EIF4E2: variants seen among roughly 807,000 people sequenced by gnomAD.
EIF4E2 encodes eukaryotic translation initiation factor 4E type 2.
A neutral mutation model predicts 34.2 loss-of-function variants in EIF4E2; 13 were observed. The ratio of observed to expected loss-of-function variants is 0.38; its 90% CI spans 0.25 to 0.60. EIF4E2 has a LOEUF of 0.60. Ranked by LOEUF, EIF4E2 falls within the 20% of genes least tolerant of loss-of-function variation. The pLI, the probability that EIF4E2 is intolerant of heterozygous loss-of-function variation, is 0.62. For synonymous variants in EIF4E2, 100 were observed against 106.6 expected, an observed-to-expected ratio of 0.94 and a Z score of 0.38; for missense variants, 222 against 315.1, an observed-to-expected ratio of 0.70 and a Z score of 2.24.
intron 3 of EIF4E2, among the ~76,000 whole-genome samples, chr2:232,563,211 C>G (rs139317402): frequency 6.6e-6 from 1 of 152,058 alleles, no homozygotes; most frequent in African/African-American, 2.4e-5. Flanking sequence ...TGCCTCTTCA[C>G]TGGCCAGTAC....
intron 4 of EIF4E2, 52 bp downstream of exon 4, chr2:232,564,403 G>A (rs1692839687): frequency 9.0e-7 from 1 of 1,114,518 alleles, no homozygotes; most frequent in African/African-American, 1.6e-5. Flanking sequence ...GGGTTTTTTT[G>A]TTTTGTCTCT....
chr2:232,554,790 C>A (rs1692465957), intron 1 of EIF4E2, among the ~76,000 whole-genome samples: 2 of 152,204 alleles, frequency 1.3e-5, no homozygotes, highest in Admixed American at 6.5e-5. Flanking sequence ...TGTCTTAATT[C>A]TCTCAGGGCT....
chr2:232,564,769 G>A (rs1274920855), intron 4 of EIF4E2, among the ~76,000 whole-genome samples: 2 of 152,160 alleles, frequency 1.3e-5, no homozygotes, highest in African/African-American at 4.8e-5. Context: ...GTGTTTTAAA[G>A]TCTCTCAAAA....
At chr2:232,555,726 C>A (rs937270306) in intron 1 of EIF4E2, among the ~76,000 whole-genome samples, 1 of 152,104 alleles carries the variant, frequency 6.6e-6, no homozygotes, top group African/African-American at 2.4e-5. Flanking sequence ...GGCACCGATA[C>A]GGCAACATAG....
At chr2:232,568,258 A>T (rs903129875) in intron 6 of EIF4E2, 4 of 985,308 alleles carry the variant, frequency 4.1e-6, no homozygotes, top group Non-Finnish European at 4.8e-6. Context: ...TCTCTTTCCC[A>T]TGCATTCATA....
In EIF4E2 at chr2:232,581,087, C is replaced by T. The variant is rs780884132; in HGVS notation, c.*144C>T. ...TCCTTTTGCACTCATTCCTGGAGGA[C>T]GGATTCCGCTAGACACCCTCCAGCA... On this transcript the variant is annotated 3_prime_UTR_variant, in exon 7 of 7. Transcript: ENST00000409098. This position sits in a 1 kb window ranked among gnomAD's most constrained non-coding sequence, Gnocchi z 5.2. 3.0e-5 allele frequency: 25 copies of T among 829,846 alleles called. No homozygotes were observed. Among genetic ancestry groups the T allele is most frequent in the African/African-American group, 1.7e-4 (10 of 59,224 alleles). 51.4% of individuals were successfully genotyped at this position (829,846 alleles called of 1,614,324 possible).
Position 232,566,288 on chromosome 2 carries a change from G to A in EIF4E2, c.376-541G>A, listed in dbSNP as rs983984258. On this transcript the variant is annotated intron_variant, in intron 4 of 6. Coordinates refer to ENST00000258416, the MANE Select transcript of EIF4E2 (RefSeq NM_004846.4). The surrounding 1 kb of genome is among the most constrained non-coding windows in gnomAD (Gnocchi z 4.9). ...TGCAAGCTCTGCCTCCCGAGTTCACGCCATTCTCCCGCCTCAGCCTCCCGA... is the reference window on the plus strand; with the variant it reads ...TGCAAGCTCTGCCTCCCGAGTTCACACCATTCTCCCGCCTCAGCCTCCCGA... 2.0e-5 allele frequency among the ~76,000 whole-genome samples: 3 copies of A among 152,202 alleles called. No homozygotes were observed. The highest frequency in any genetic ancestry group is 2.1e-4 in the South Asian group (1 of 4,808).
chr2:232,577,906 T>G (rs768478200), intron 6 of EIF4E2, among the ~76,000 whole-genome samples: 3 of 152,196 alleles, frequency 2.0e-5, no homozygotes, highest in African/African-American at 7.2e-5. Context: ...AAGCACATTG[T>G]TTTTTAAGGG....
chr2:232,583,453 G>GTC (rs1693407773), exon 7 of EIF4E2: 1 of 151,624 alleles, frequency 6.6e-6, no homozygotes, highest in Non-Finnish European at 1.5e-5. Context: ...GTGTGTGTGT[G>GTC]TGTTCCCTAT....
intron 2 of EIF4E2, 92 bp from the exon 3 acceptor site, chr2:232,557,791 TG>T: frequency 7.2e-7 from 1 of 1,392,110 alleles, no homozygotes; most frequent in Non-Finnish European, 9.9e-7. Context: ...TTTTTAATTG[TG>T]GAGGTGGTAA....
chr2:232,575,459 T>C (rs549260635), intron 6 of EIF4E2, among the ~76,000 whole-genome samples: 2 of 152,320 alleles, frequency 1.3e-5, no homozygotes, highest in African/African-American at 4.8e-5. Context: ...ATGATTCTCT[T>C]TAAGATATAG....
chr2:232,556,458 A>G lies in EIF4E2; in HGVS notation c.63A>G (p.Glu21=). 1 of 1,613,966 alleles carries G rather than the reference A, an allele frequency of 6.2e-7. No homozygotes were observed. The change falls in exon 2 of 7, where the codon GAA becomes GAG. Residue 21 remains glutamate (E), a synonymous_variant. Coordinates refer to ENST00000258416, the MANE Select transcript of EIF4E2 (RefSeq NM_004846.4). ...GTGGGGACCATGATCAGAATGAAGA[A>G]AACAGCACACAGAAAGATGGTGAGA... is the stretch of plus-strand genomic sequence containing the variant. ...DDSGDHDQNE[E]NSTQKDGEKE...
At position 232,556,477 on chromosome 2, in the gene EIF4E2, G is replaced by A. The variant is rs1166735631; in HGVS notation, c.82G>A (p.Gly28Ser). 6.2e-7 allele frequency: 1 copy of A among 1,613,706 alleles called. No individual in the cohort carries two copies. The highest frequency in any genetic ancestry group is 2.2e-5 in the East Asian group (1 of 44,882). Residue 28 changes from glycine (G) to serine (S), a missense_variant, in exon 2 of 7, where the codon GGT (glycine) becomes AGT (serine). Gly to Ser is a moderately conservative substitution (Grantham distance 56). This residue lies in a region of EIF4E2 where 87 missense variants were observed against 93.6 expected (regional missense o/e 0.93). Coordinates refer to ENST00000258416, the MANE Select transcript of EIF4E2 (RefSeq NM_004846.4). ...TGAAGAAAACAGCACACAGAAAGAT[G>A]GTGAGAAGGAAAAAACGGAACGAGA... is the stretch of plus-strand genomic sequence containing the variant. ...QNEENSTQKD[G>S]EKEKTERDKN...
intron 6 of EIF4E2, 170 bp from the exon 7 acceptor site, chr2:232,568,775 G>C: frequency 1.0e-6 from 1 of 985,428 alleles, no homozygotes; most frequent in East Asian, 1.1e-4. Flanking sequence ...TAGTCTGCTA[G>C]AAAGACTGGC....
downstream of EIF4E2, among the ~76,000 whole-genome samples, chr2:232,570,607 T>G (rs1693068115): frequency 6.6e-6 from 1 of 152,190 alleles, no homozygotes; most frequent in Admixed American, 6.5e-5. Flanking sequence ...CTTCCATGGA[T>G]ATGACTTGGT....
At chr2:232,580,334 TAAAA>T (rs557880666) in intron 6 of EIF4E2, among the ~76,000 whole-genome samples, 208 of 152,150 alleles carry the variant, frequency 1.4e-3, no homozygotes, top group Middle Eastern at 6.8e-3. Flanking sequence ...GTGTGTTAGA[TAAAA>T]AGAAAGGGGG....
chr2:232,573,101 T>C (rs1397147728), downstream of EIF4E2, among the ~76,000 whole-genome samples: 1 of 152,144 alleles, frequency 6.6e-6, no homozygotes, highest in African/African-American at 2.4e-5. Context: ...CTGAAACAGG[T>C]GTCTTGCTGT....
intron 1 of EIF4E2, among the ~76,000 whole-genome samples, chr2:232,551,576 A>G (rs1574654061): frequency 6.6e-6 from 1 of 152,314 alleles, no homozygotes; most frequent in East Asian, 1.9e-4. Flanking sequence ...GTTTGACTGT[A>G]GAAAAGTTAC....
chr2:232,551,442 C>T (rs1297660095), intron 1 of EIF4E2, among the ~76,000 whole-genome samples: 2 of 152,148 alleles, frequency 1.3e-5, no homozygotes, highest in Non-Finnish European at 2.9e-5. Context: ...TTTACTTATC[C>T]CCCTCCAAGG....
Sources: allele counts gnomAD v4.1 joint callset (sites outside exome capture counted in the v4.1 genomes callset), GRCh38; gene constraint gnomAD v4.1.1; regional missense constraint gnomAD v4.1.1; non-coding constraint Gnocchi (gnomAD v3.1); transcripts MANE v1.5; gene names NCBI Gene and HGNC (gene_info 2026-07-23, HGNC 2026-07-21).